The following XKR6 variants were observed in gnomAD, a reference collection of about 807,000 sequenced individuals.
XKR6 encodes XK-related protein 6.
Under a neutral mutation model 56.7 loss-of-function variants are expected in XKR6, and 22 were observed. The observed-to-expected ratio is 0.39, with a 90% CI of 0.28 to 0.55. XKR6 has a LOEUF of 0.55. Ranked by LOEUF, XKR6 falls within the 20% of genes least tolerant of loss-of-function variation. XKR6 has a pLI of 0.66. For missense variants in XKR6, 852 were observed against 889.0 expected (o/e 0.96, Z 0.53); for synonymous variants, 524 against 387.8 (o/e 1.35, Z -4.13).
intron 1 of XKR6, among the ~76,000 whole-genome samples, chr8:11,055,965 C>T (rs1278457679): frequency 1.3e-5 from 2 of 152,164 alleles, no homozygotes. Context: ...CAACAGGAAG[C>T]CTGTCTGAAG....
chr8:11,004,598 G>A (rs1017757679), intron 1 of XKR6, among the ~76,000 whole-genome samples: 5 of 152,200 alleles, frequency 3.3e-5, no homozygotes, highest in African/African-American at 1.2e-4. Flanking sequence ...GCAACAGGGA[G>A]CTGGTTAAAC....
chr8:10,929,547 C>A (rs6992103), intron 1 of XKR6, among the ~76,000 whole-genome samples: 1 of 152,178 alleles, frequency 6.6e-6, no homozygotes, highest in South Asian at 2.1e-4. Context: ...ACTTGCCTGA[C>A]AGTGGGGAAG....
intron 1 of XKR6, among the ~76,000 whole-genome samples, chr8:11,112,504 C>G (rs1029201815): frequency 6.6e-6 from 1 of 151,958 alleles, no homozygotes; most frequent in African/African-American, 2.4e-5. Flanking sequence ...TATTAATATA[C>G]AAAAGTGAGC....
intron 1 of XKR6, among the ~76,000 whole-genome samples, chr8:11,112,607 C>T (rs1020575173): frequency 2.0e-5 from 3 of 152,156 alleles, no homozygotes; most frequent in African/African-American, 7.2e-5. Flanking sequence ...GTTCAGAGTT[C>T]ATATTTCCAA....
At chr8:11,188,653 G>C (rs764477768) in intron 1 of XKR6, among the ~76,000 whole-genome samples, 9 of 152,192 alleles carry the variant, frequency 5.9e-5, no homozygotes, top group African/African-American at 2.2e-4. Flanking sequence ...ACAGTGTAGG[G>C]TGATTTATTA....
chr8:11,194,884 C>A (rs2117146154), intron 1 of XKR6: 4 of 480,130 alleles, frequency 8.3e-6, no homozygotes, highest in Non-Finnish European at 1.5e-5. Context: ...GTTTCTGGAT[C>A]CTTCTGGAAA....
intron 1 of XKR6, among the ~76,000 whole-genome samples, chr8:11,081,684 G>A (rs1001033660): frequency 1.3e-5 from 2 of 152,162 alleles, no homozygotes; most frequent in African/African-American, 2.4e-5. Context: ...CAAGTTGAAA[G>A]GGAAACTTAC....
intron 2 of XKR6, among the ~76,000 whole-genome samples, chr8:10,918,173 T>G (rs1042149417): frequency 1.3e-5 from 2 of 152,182 alleles, no homozygotes; most frequent in African/African-American, 4.8e-5. Context: ...ATATGTGTGT[T>G]TCTCACTATC....
intron 1 of XKR6, among the ~76,000 whole-genome samples, chr8:11,133,842 C>T (rs1346988990): frequency 2.0e-5 from 3 of 152,160 alleles, no homozygotes; most frequent in Non-Finnish European, 2.9e-5. Context: ...TATCATAGAC[C>T]TATTCAGACC....
chr8:10,928,922 A>C (rs1463967365), intron 1 of XKR6, among the ~76,000 whole-genome samples: 1 of 152,210 alleles, frequency 6.6e-6, no homozygotes, highest in Non-Finnish European at 1.5e-5. Context: ...TATCTGCCCT[A>C]AGAGCCTCGG....
At chr8:11,121,651 G>A (rs980256966) in intron 1 of XKR6, among the ~76,000 whole-genome samples, 8 of 152,176 alleles carry the variant, frequency 5.3e-5, no homozygotes, top group Non-Finnish European at 7.3e-5. Context: ...TCTAGAACGG[G>A]AAACACCATT....
intron 1 of XKR6, among the ~76,000 whole-genome samples, chr8:10,996,025 C>T (rs1369300863): frequency 2.6e-5 from 4 of 152,186 alleles, no homozygotes; most frequent in South Asian, 2.1e-4. Context: ...CTCTCTATAA[C>T]GCCTTTCACA....
At chr8:11,170,573 T>C (rs1218974888) in intron 1 of XKR6, among the ~76,000 whole-genome samples, 1 of 152,232 alleles carries the variant, frequency 6.6e-6, no homozygotes, top group Admixed American at 6.5e-5. Context: ...CTACAATGGA[T>C]GCAGGGTTTC....
chr8:11,089,164 A>G (rs1392294324), intron 1 of XKR6, among the ~76,000 whole-genome samples: 1 of 152,142 alleles, frequency 6.6e-6, no homozygotes, highest in Non-Finnish European at 1.5e-5. Flanking sequence ...GAAACCAGGG[A>G]GTGGAGGGCC....
At chr8:11,158,439 G>A (rs1217145358) in intron 1 of XKR6, among the ~76,000 whole-genome samples, 2 of 152,190 alleles carry the variant, frequency 1.3e-5, no homozygotes, top group Admixed American at 6.5e-5. Context: ...GCTAGGCAGG[G>A]CCTGGCAAGA....
chr8:11,198,817 A>C (rs1452151743), intron 1 of XKR6, among the ~76,000 whole-genome samples: 1 of 152,028 alleles, frequency 6.6e-6, no homozygotes, highest in African/African-American at 2.4e-5. Context: ...ATGCTGCTGA[A>C]TTCTACTGGT....
intron 1 of XKR6, among the ~76,000 whole-genome samples, chr8:11,075,748 C>T (rs1398487286): frequency 6.6e-6 from 1 of 152,128 alleles, no homozygotes; most frequent in African/African-American, 2.4e-5. Flanking sequence ...TGGTGAGCAC[C>T]TGTAGTCCCA....
In XKR6 at chr8:11,085,439, GGT is replaced by G. The variant is rs142775403; in HGVS notation, c.764+115135_764+115136del. On this transcript the variant is annotated intron_variant, in intron 1 of 2. Transcript: ENST00000416569. ...GTGTATGCTTGTCAGAGGTGAAAGA[GGT>G]GTGTGTGTGTGTGTGTATGTATGTG... Among the ~76,000 whole-genome samples the G allele has an allele frequency of 3.1e-3, 465 of 151,090 alleles. 3 individuals carry two copies. The highest frequency in any genetic ancestry group is 3.9e-3 in the Non-Finnish European group (267 of 67,640).
At chr8:11,170,624 G>T (rs981739273) in intron 1 of XKR6, among the ~76,000 whole-genome samples, 10 of 152,212 alleles carry the variant, frequency 6.6e-5, no homozygotes, top group Non-Finnish European at 1.3e-4. Flanking sequence ...TAGCACATTT[G>T]TGGTAATCGT....
Sources: gnomAD v4.1 joint callset for allele counts (sites outside exome capture counted in the v4.1 genomes callset) on GRCh38, gnomAD v4.1.1 for gene constraint, MANE v1.5 for transcripts, NCBI Gene and HGNC (gene_info 2026-07-23, HGNC 2026-07-21) for gene names.